RANBP2: variants seen among roughly 807,000 people sequenced by gnomAD.
The protein encoded by RANBP2 is E3 SUMO-protein ligase RanBP2.
In RANBP2, 57 loss-of-function variants were observed where a neutral mutation model predicts 303.6. That is an observed-to-expected ratio of 0.19 (90% CI 0.15 to 0.23). The LOEUF is 0.23. Ranked by LOEUF, RANBP2 falls within the 10% of genes least tolerant of loss-of-function variation. The pLI is 1.00. For missense variants in RANBP2, 3,138 were observed against 3,780.8 expected (o/e 0.83, Z 4.46); for synonymous variants, 1,167 against 1,301.5 (o/e 0.90, Z 2.23).
the RANBP2 span, among the ~76,000 whole-genome samples, chr2:109,285,364 GCCTTT>G: frequency 6.6e-6 from 1 of 152,234 alleles, no homozygotes; most frequent in African/African-American, 2.4e-5. Context: ...TCATTAGCAT[GCCTTT>G]CCACGGCCAA....
At chr2:109,398,463 C>T in the RANBP2 span, 4 of 873,996 alleles carry the variant, frequency 4.6e-6, no homozygotes, top group African/African-American at 5.0e-5. Context: ...TGTGTTTTCC[C>T]TGCAGTCTGA....
chr2:108,811,247 C>CTCTTTTTTTTTTTTTTTTTTTT, the RANBP2 span, among the ~76,000 whole-genome samples: 184 of 113,806 alleles, frequency 1.6e-3, 5 homozygotes, highest in African/African-American at 6.8e-3. Context: ...TTCTCTCTCT[C>CTCTTTTTTTTTTTTTTTTTTTT]TTTTTTTTTT....
chr2:108,927,644 C>A, the RANBP2 span, among the ~76,000 whole-genome samples: 24 of 152,072 alleles, frequency 1.6e-4, no homozygotes, highest in Non-Finnish European at 2.9e-4. Context: ...CCATGGGGAA[C>A]CCTTCTACTA....
chr2:109,058,823 C>A, the RANBP2 span, among the ~76,000 whole-genome samples: 1 of 152,198 alleles, frequency 6.6e-6, no homozygotes, highest in Admixed American at 6.5e-5. Context: ...GAAGGGGAAC[C>A]CCACAGGAGG....
chr2:109,484,870 G>GA, the RANBP2 span, among the ~76,000 whole-genome samples: 1 of 152,146 alleles, frequency 6.6e-6, no homozygotes, highest in African/African-American at 2.4e-5. Flanking sequence ...ACTTGTGTCT[G>GA]AACATCTCTA....
the RANBP2 span, among the ~76,000 whole-genome samples, chr2:109,297,463 G>A: frequency 1.3e-5 from 2 of 152,084 alleles, no homozygotes; most frequent in Non-Finnish European, 2.9e-5. Flanking sequence ...AGAGCCAGAG[G>A]GGTGCCTGGT....
chr2:108,773,340 A>G (rs1677640907), intron 23 of RANBP2, among the ~76,000 whole-genome samples: 1 of 151,990 alleles, frequency 6.6e-6, no homozygotes, highest in Non-Finnish European at 1.5e-5. Context: ...GCTGGTCTCG[A>G]ACTCCGGACC....
the RANBP2 span, among the ~76,000 whole-genome samples, chr2:109,622,682 C>G: frequency 6.6e-6 from 1 of 152,212 alleles, no homozygotes; most frequent in African/African-American, 2.4e-5. Context: ...TCCCCTTTCA[C>G]TTGTCTAAGC....
At chr2:109,446,400 C>T in the RANBP2 span, among the ~76,000 whole-genome samples, 2 of 152,330 alleles carry the variant, frequency 1.3e-5, no homozygotes, top group Non-Finnish European at 2.9e-5. Flanking sequence ...CTCCGTTGCA[C>T]AGTGGGGACA....
chr2:109,479,885 ACCTGCAGCACGAGGATCTC>A, the RANBP2 span, among the ~76,000 whole-genome samples: 1 of 152,050 alleles, frequency 6.6e-6, no homozygotes, highest in East Asian at 1.9e-4. Context: ...CACCTAACCC[ACCTGCAGCACGAGGATCTC>A]CCTGGAGCTC....
chr2:109,207,703 A>G, the RANBP2 span, among the ~76,000 whole-genome samples: 1 of 152,198 alleles, frequency 6.6e-6, no homozygotes, highest in Non-Finnish European at 1.5e-5. Context: ...TGGAAACAAA[A>G]CATTTGTATA....
the RANBP2 span, among the ~76,000 whole-genome samples, chr2:109,589,513 G>A: frequency 1.2e-3 from 177 of 152,144 alleles, 1 homozygote; most frequent in African/African-American, 4.2e-3. Flanking sequence ...CTGGAAGACA[G>A]AGCAAGACTC....
chr2:108,928,361 G>A, the RANBP2 span, among the ~76,000 whole-genome samples: 1 of 152,096 alleles, frequency 6.6e-6, no homozygotes. Flanking sequence ...GAGGTGAGAG[G>A]TCCTTCTGCA....
At chr2:109,632,169 G>A in the RANBP2 span, among the ~76,000 whole-genome samples, 14 of 152,328 alleles carry the variant, frequency 9.2e-5, no homozygotes, top group South Asian at 2.7e-3. Flanking sequence ...CTGATTCCAC[G>A]AGGAAAGGCC....
the RANBP2 span, among the ~76,000 whole-genome samples, chr2:109,068,260 C>A: frequency 1.3e-5 from 2 of 152,136 alleles, no homozygotes; most frequent in Non-Finnish European, 2.9e-5. Context: ...TCAGTGTCTA[C>A]AGACATTTGG....
At chr2:109,576,419 T>A in the RANBP2 span, among the ~76,000 whole-genome samples, 11 of 152,180 alleles carry the variant, frequency 7.2e-5, no homozygotes, top group East Asian at 9.7e-4. Context: ...ATATTTTTTT[T>A]AATAAGTAAA....
At chr2:108,914,661 T>G in the RANBP2 span, among the ~76,000 whole-genome samples, 1 of 152,224 alleles carries the variant, frequency 6.6e-6, no homozygotes, top group East Asian at 1.9e-4. Flanking sequence ...ACTTCAGTTT[T>G]GCAAATAATA....
chr2:108,840,868 C>G, the RANBP2 span, among the ~76,000 whole-genome samples: 22 of 151,724 alleles, frequency 1.5e-4, no homozygotes, highest in Admixed American at 2.6e-4. Flanking sequence ...CTGGAATTCA[C>G]TGGCACAGTC....
At chr2:109,019,422 C>T in the RANBP2 span, among the ~76,000 whole-genome samples, 1 of 152,146 alleles carries the variant, frequency 6.6e-6, no homozygotes, top group Non-Finnish European at 1.5e-5. Context: ...GAGCCTATGT[C>T]TAGACCCTTG....
Sources: allele counts gnomAD v4.1 joint callset (sites outside exome capture counted in the v4.1 genomes callset), GRCh38; gene constraint gnomAD v4.1.1; transcripts MANE v1.5; gene names NCBI Gene and HGNC (gene_info 2026-07-23, HGNC 2026-07-21).